The following DIPK1A variants were observed in gnomAD, a reference collection of about 807,000 sequenced individuals.
The protein encoded by DIPK1A is family with sequence similarity 69 member A.
Under a neutral mutation model 40.8 loss-of-function variants are expected in DIPK1A, and 27 were observed. The ratio of observed to expected loss-of-function variants is 0.66; its 90% CI spans 0.49 to 0.91. The LOEUF is 0.91. Ranked by LOEUF, DIPK1A falls within the 40% of genes least tolerant of loss-of-function variation. DIPK1A has a pLI of 0.00. For missense variants in DIPK1A, 412 were observed against 505.7 expected (o/e 0.81, Z 1.78); for synonymous variants, 166 against 171.3 (o/e 0.97, Z 0.24).
At chr1:92,882,568 A>G (rs1313967572) in intron 1 of DIPK1A, among the ~76,000 whole-genome samples, 1 of 152,202 alleles carries the variant, frequency 6.6e-6, no homozygotes, top group African/African-American at 2.4e-5. Flanking sequence ...ACTTTACACA[A>G]GTAGAAGCAT....
chr1:92,946,043 C>T (rs1051835788), intron 1 of DIPK1A, among the ~76,000 whole-genome samples: 2 of 152,110 alleles, frequency 1.3e-5, no homozygotes, highest in Non-Finnish European at 2.9e-5. Context: ...TTACAAACAT[C>T]ACATGTTCTT....
intron 2 of DIPK1A, among the ~76,000 whole-genome samples, chr1:92,851,451 A>G (rs1280655140): frequency 7.1e-6 from 1 of 141,776 alleles, no homozygotes; most frequent in African/African-American, 2.6e-5. Context: ...GCTGAGGCAG[A>G]AGAATCACTT....
intron 1 of DIPK1A, among the ~76,000 whole-genome samples, chr1:92,958,559 A>G (rs1449866555): frequency 6.6e-6 from 1 of 152,094 alleles, no homozygotes; most frequent in Non-Finnish European, 1.5e-5. Flanking sequence ...CCTCCCCCCA[A>G]ACAGAACAAG....
intron 2 of DIPK1A, among the ~76,000 whole-genome samples, chr1:92,861,923 G>T: frequency 6.6e-6 from 1 of 152,106 alleles, no homozygotes; most frequent in Non-Finnish European, 1.5e-5. Context: ...GGGACTATAG[G>T]CACGCACTAC....
intron 1 of DIPK1A, among the ~76,000 whole-genome samples, chr1:92,896,081 A>G (rs1571102821): frequency 6.6e-6 from 1 of 152,224 alleles, no homozygotes; most frequent in Non-Finnish European, 1.5e-5. Flanking sequence ...CATACTGCCC[A>G]AAGTAATTTA....
downstream of DIPK1A, chr1:92,840,635 A>G: frequency 6.2e-7 from 1 of 1,607,310 alleles, no homozygotes; most frequent in Non-Finnish European, 8.5e-7. Context: ...AGTTAAAAAG[A>G]AGAGGTATGT....
At chr1:92,918,492 T>C (rs1650142034) in intron 1 of DIPK1A, among the ~76,000 whole-genome samples, 2 of 152,214 alleles carry the variant, frequency 1.3e-5, no homozygotes, top group Non-Finnish European at 2.9e-5. Context: ...TCAAGAAATT[T>C]CTCATTTATA....
intron 1 of DIPK1A, among the ~76,000 whole-genome samples, chr1:92,942,735 C>T (rs1405325254): frequency 6.6e-6 from 1 of 152,208 alleles, no homozygotes; most frequent in Non-Finnish European, 1.5e-5. Context: ...TCTTGGCTGA[C>T]TGCAACCTCT....
chr1:92,845,496 G>A (rs775529147), intron 4 of DIPK1A: 7 of 333,716 alleles, frequency 2.1e-5, no homozygotes, highest in African/African-American at 6.6e-5. Context: ...TGGTGAAACC[G>A]TGTCTATGCT....
Position 92,843,340 on chromosome 1 carries a change from A to G in DIPK1A, c.*43T>C. On this transcript the variant is annotated 3_prime_UTR_variant, in exon 5 of 5. Transcript: ENST00000370310. ...TTTTTAATGCTCAAAATTGTTCTTT[A>G]AAAGTGGCAGGTTTCTTAAAATGGT... The G allele has an allele frequency of 2.7e-6, 4 of 1,463,422 alleles. No homozygotes were observed. The highest frequency in any genetic ancestry group is 3.6e-6 in the Non-Finnish European group (4 of 1,109,242). 90.7% of individuals were successfully genotyped at this position (1,463,422 alleles called of 1,614,324 possible).
chr1:92,938,244 G>T (rs1336134019), intron 1 of DIPK1A, among the ~76,000 whole-genome samples: 1 of 151,284 alleles, frequency 6.6e-6, no homozygotes, highest in Non-Finnish European at 1.5e-5. Flanking sequence ...TGAGCCAGAA[G>T]AATTAGCCAG....
intron 1 of DIPK1A, among the ~76,000 whole-genome samples, chr1:92,921,952 AT>A (rs200740545): frequency 1.8e-3 from 277 of 151,346 alleles, no homozygotes; most frequent in Non-Finnish European, 3.6e-3. Context: ...TTATTTATTT[AT>A]TTTTTTTTCC....
chr1:92,895,145 CTTATT>C (rs1296297491), intron 1 of DIPK1A, among the ~76,000 whole-genome samples: 1 of 151,988 alleles, frequency 6.6e-6, no homozygotes, highest in African/African-American at 2.4e-5. Flanking sequence ...TCCTCCCTAA[CTTATT>C]TTATGAGGCC....
intron 1 of DIPK1A, among the ~76,000 whole-genome samples, chr1:92,925,642 C>T (rs1650473729): frequency 6.6e-6 from 1 of 151,990 alleles, no homozygotes; most frequent in African/African-American, 2.4e-5. Context: ...TACAGGCATG[C>T]ACCACCATAC....
intron 1 of DIPK1A, among the ~76,000 whole-genome samples, chr1:92,920,168 A>AT (rs779506857): frequency 2.6e-5 from 4 of 152,230 alleles, no homozygotes; most frequent in Non-Finnish European, 4.4e-5. Flanking sequence ...AAGTGATATG[A>AT]TTTGTCTGTG....
downstream of DIPK1A, among the ~76,000 whole-genome samples, chr1:92,838,967 G>C (rs185552360): frequency 1.3e-4 from 20 of 150,824 alleles, no homozygotes; most frequent in East Asian, 3.7e-3. Context: ...TAATTTTAGA[G>C]ACCTGGATTA....
rs1020213805 is a variant in DIPK1A at position 92,889,539 on chromosome 1, A to G, written c.55-13109T>C. Among the ~76,000 whole-genome samples the G allele has an allele frequency of 8.5e-5, 13 of 152,118 alleles. 1 individual carries two copies. The highest frequency in any genetic ancestry group is 3.1e-4 in the African/African-American group (13 of 41,490). On this transcript the variant is annotated intron_variant, in intron 1 of 4. Coordinates refer to ENST00000370310, the MANE Select transcript of DIPK1A (RefSeq NM_001006605.5). ...TTTTTATATTTCAGTGAATAATGTC[A>G]TTGGTATTTTGATAGGGATTGCACA...
chr1:92,866,121 A>T (rs929879015), intron 2 of DIPK1A, among the ~76,000 whole-genome samples: 1 of 152,152 alleles, frequency 6.6e-6, no homozygotes, highest in Non-Finnish European at 1.5e-5. Flanking sequence ...TTGTTTTTTG[A>T]GACAGAGTCT....
At chr1:92,870,575 A>G (rs888417103) in intron 2 of DIPK1A, among the ~76,000 whole-genome samples, 4 of 152,198 alleles carry the variant, frequency 2.6e-5, no homozygotes, top group African/African-American at 9.6e-5. Flanking sequence ...TTTCAACTAA[A>G]TCATTTGGTC....
Sources: gnomAD v4.1 joint callset for allele counts (sites outside exome capture counted in the v4.1 genomes callset) on GRCh38, gnomAD v4.1.1 for gene constraint, MANE v1.5 for transcripts, NCBI Gene and HGNC (gene_info 2026-07-23, HGNC 2026-07-21) for gene names.